CSMD1: variants seen among roughly 807,000 people sequenced by gnomAD.
CSMD1 encodes CUB and Sushi multiple domains 1.
Under a neutral mutation model 417.5 loss-of-function variants are expected in CSMD1, and 213 were observed. The ratio of observed to expected loss-of-function variants is 0.51; its 90% CI spans 0.46 to 0.57. The LOEUF is 0.57. CSMD1 is among the 20% of genes least tolerant of loss of function. The probability of loss-of-function intolerance (pLI) is 0.00; values close to 1 mark genes in which losing one functional copy is unlikely to be tolerated. For synonymous variants in CSMD1, 2,862 were observed against 1,736.8 expected, an observed-to-expected ratio of 1.65 and a Z score of -16.11; for missense variants, 6,923 against 4,529.7, an observed-to-expected ratio of 1.53 and a Z score of -15.17.
chr8:4,732,759 A>G (rs1211570921), intron 1 of CSMD1, among the ~76,000 whole-genome samples: 1 of 152,170 alleles, frequency 6.6e-6, no homozygotes, highest in Non-Finnish European at 1.5e-5. Flanking sequence ...CTAAGCAGGC[A>G]TTTTATAGCT....
chr8:3,265,895 T>C (rs372942903), intron 26 of CSMD1, among the ~76,000 whole-genome samples: 38 of 152,016 alleles, frequency 2.5e-4, no homozygotes, highest in African/African-American at 8.9e-4. Flanking sequence ...CTTCTCCATC[T>C]CCTTGGAGGC....
chr8:3,998,539 G>A (rs532100555), intron 4 of CSMD1, among the ~76,000 whole-genome samples: 2 of 152,216 alleles, frequency 1.3e-5, no homozygotes, highest in Admixed American at 6.5e-5. Context: ...TAAAAGAAAT[G>A]GTTGTCTTAA....
At chr8:4,086,105 G>C (rs943481231) in intron 3 of CSMD1, among the ~76,000 whole-genome samples, 1 of 152,120 alleles carries the variant, frequency 6.6e-6, no homozygotes, top group Admixed American at 6.6e-5. Flanking sequence ...TTTCCTACTA[G>C]TTATTCTATG....
chr8:3,643,102 G>C (rs1027055590), intron 7 of CSMD1, among the ~76,000 whole-genome samples: 33 of 152,006 alleles, frequency 2.2e-4, no homozygotes, highest in Admixed American at 9.8e-4. Context: ...CATGCAGCTT[G>C]TCAGGATTTC....
At chr8:4,129,954 A>G (rs1378461963) in intron 3 of CSMD1, among the ~76,000 whole-genome samples, 1 of 151,990 alleles carries the variant, frequency 6.6e-6, no homozygotes, top group Non-Finnish European at 1.5e-5. Context: ...ATATCTTGCA[A>G]ATTTTCAGTT....
intron 2 of CSMD1, among the ~76,000 whole-genome samples, chr8:4,487,120 C>A (rs958202467): frequency 1.3e-5 from 2 of 152,082 alleles, no homozygotes; most frequent in African/African-American, 2.4e-5. Context: ...AATACCAGAT[C>A]ATATAAGGCA....
chr8:3,974,442 G>C (rs1813288202), intron 5 of CSMD1, among the ~76,000 whole-genome samples: 1 of 151,808 alleles, frequency 6.6e-6, no homozygotes, highest in South Asian at 2.1e-4. Context: ...AAGGGTATGT[G>C]CAAATAATAG....
At chr8:4,671,729 GTGTGTGTGTGTGCT>G (rs1319875138) in intron 1 of CSMD1, among the ~76,000 whole-genome samples, 8 of 151,804 alleles carry the variant, frequency 5.3e-5, no homozygotes, top group Non-Finnish European at 1.0e-4. Flanking sequence ...TATTGCTTGT[GTGTGTGTGTGTGCT>G]TGTGTGTGTG....
At chr8:3,616,440 G>A (rs539706744) in intron 8 of CSMD1, among the ~76,000 whole-genome samples, 11 of 152,244 alleles carry the variant, frequency 7.2e-5, no homozygotes, top group Non-Finnish European at 1.5e-4. Flanking sequence ...TGAACTATGA[G>A]TCAATTAAAC....
chr8:3,628,860 T>C (rs984359610), intron 7 of CSMD1, among the ~76,000 whole-genome samples: 1 of 134,490 alleles, frequency 7.4e-6, no homozygotes, highest in African/African-American at 2.7e-5. Flanking sequence ...GTAACCCAAA[T>C]AATCTAAGTT....
intron 10 of CSMD1, among the ~76,000 whole-genome samples, chr8:3,499,219 T>C (rs765087904): frequency 7.9e-5 from 12 of 152,220 alleles, no homozygotes; most frequent in Middle Eastern, 3.2e-3. Context: ...TCTGCATGAG[T>C]ACAGTAGTGC....
Position 3,036,809 on chromosome 8 carries a change from T to C in CSMD1, c.7661-7296A>G, listed in dbSNP as rs756930259. The stretch of plus-strand genomic sequence containing the variant: ...CAAAATCAAGAACATGGGATTCTTT[T>C]CTTTTTGGCTTTTAGAAAATTATTT... On this transcript the variant is annotated intron_variant, in intron 50 of 69. Transcript: ENST00000635120. Among the ~76,000 whole-genome samples, 9 of 152,186 alleles carry C rather than the reference T, an allele frequency of 5.9e-5. No individual in the cohort carries two copies. In the South Asian group the frequency reaches 8.3e-4, roughly 14 times the overall value.
intron 3 of CSMD1, among the ~76,000 whole-genome samples, chr8:4,234,017 C>G (rs936820704): frequency 1.3e-5 from 2 of 152,026 alleles, no homozygotes. Context: ...GAGGTTCTGG[C>G]ATCTGGTTAA....
chr8:4,164,168 G>A (rs981258203), intron 3 of CSMD1, among the ~76,000 whole-genome samples: 1 of 149,124 alleles, frequency 6.7e-6, no homozygotes, highest in Non-Finnish European at 1.5e-5. Context: ...TAGATTATAT[G>A]AGTTTAAGGA....
intron 7 of CSMD1, among the ~76,000 whole-genome samples, chr8:3,628,669 C>G (rs568967135): frequency 1.3e-5 from 2 of 152,088 alleles, no homozygotes; most frequent in East Asian, 3.9e-4. Flanking sequence ...TCCTCACAGG[C>G]GCCCCGAGAA....
chr8:3,332,875 A>T (rs922573560), intron 23 of CSMD1, among the ~76,000 whole-genome samples: 1 of 152,172 alleles, frequency 6.6e-6, no homozygotes, highest in Non-Finnish European at 1.5e-5. Context: ...ACTTGAGCTG[A>T]CAACTGAACA....
intron 1 of CSMD1, among the ~76,000 whole-genome samples, chr8:4,754,380 T>C (rs1811535330): frequency 6.6e-6 from 1 of 152,206 alleles, no homozygotes; most frequent in Non-Finnish European, 1.5e-5. Flanking sequence ...ACATCAGGTA[T>C]TAATTGATCT....
intron 26 of CSMD1, among the ~76,000 whole-genome samples, chr8:3,279,451 C>T (rs187627964): frequency 8.2e-4 from 125 of 152,294 alleles, no homozygotes; most frequent in African/African-American, 2.9e-3. Flanking sequence ...GTAGTACACT[C>T]ACAGGCATTT....
At chr8:3,601,149 G>C (rs1801342597) in intron 8 of CSMD1, among the ~76,000 whole-genome samples, 1 of 152,270 alleles carries the variant, frequency 6.6e-6, no homozygotes. Context: ...TCTGGCTTCT[G>C]AGATCTACCA....
Sources: gnomAD v4.1 joint callset for allele counts (sites outside exome capture counted in the v4.1 genomes callset) on GRCh38, gnomAD v4.1.1 for gene constraint, MANE v1.5 for transcripts, NCBI Gene and HGNC (gene_info 2026-07-23, HGNC 2026-07-21) for gene names.